The following OPCML variants were observed in gnomAD, a reference collection of about 807,000 sequenced individuals.
OPCML encodes opioid-binding protein/cell adhesion molecule.
In OPCML, 13 loss-of-function variants were observed where a neutral mutation model predicts 37.8. The ratio of observed to expected loss-of-function variants is 0.34; its 90% CI spans 0.22 to 0.55. The LOEUF (loss-of-function observed/expected upper bound fraction) is 0.55, where lower values mean the gene tolerates loss of function less well. Ranked by LOEUF, OPCML falls within the 20% of genes least tolerant of loss-of-function variation. OPCML has a pLI of 0.91. For missense variants in OPCML, 341 were observed against 435.6 expected (o/e 0.78, Z 1.93); for synonymous variants, 176 against 168.8 (o/e 1.04, Z -0.33).
chr11:133,339,136 T>G (rs1361750626), intron 1 of OPCML, among the ~76,000 whole-genome samples: 1 of 152,236 alleles, frequency 6.6e-6, no homozygotes, highest in Admixed American at 6.5e-5. Flanking sequence ...TCTGTTTATC[T>G]GTGATGTGCT....
At chr11:132,466,398 G>A (rs1413562487) in intron 4 of OPCML, among the ~76,000 whole-genome samples, 3 of 151,576 alleles carry the variant, frequency 2.0e-5, no homozygotes, top group African/African-American at 7.3e-5. Context: ...GCAGGAGAAT[G>A]GCGTGAACCC....
At chr11:133,193,913 A>G (rs1339250712) in intron 1 of OPCML, among the ~76,000 whole-genome samples, 1 of 152,226 alleles carries the variant, frequency 6.6e-6, no homozygotes, top group Non-Finnish European at 1.5e-5. Context: ...CATAATGAAA[A>G]CAGAAAGAAA....
intron 1 of OPCML, among the ~76,000 whole-genome samples, chr11:133,102,111 G>T (rs540349410): frequency 6.6e-6 from 1 of 152,252 alleles, no homozygotes; most frequent in Admixed American, 6.5e-5. Context: ...ATTCTGTATG[G>T]TATTATCATG....
intron 2 of OPCML, among the ~76,000 whole-genome samples, chr11:132,887,263 G>A (rs1943460401): frequency 6.6e-6 from 1 of 152,206 alleles, no homozygotes. Context: ...CTCCACCACG[G>A]AGCCTAGGTG....
intron 1 of OPCML, among the ~76,000 whole-genome samples, chr11:132,989,291 T>C (rs551330425): frequency 1.0e-3 from 157 of 152,198 alleles, no homozygotes; most frequent in African/African-American, 3.7e-3. Context: ...ATTAGAATAA[T>C]CTATTCCACC....
intron 2 of OPCML, among the ~76,000 whole-genome samples, chr11:132,689,163 C>T (rs533582750): frequency 6.6e-6 from 1 of 152,070 alleles, no homozygotes; most frequent in Non-Finnish European, 1.5e-5. Context: ...CATTTCTAGG[C>T]TTGTTTTCAG....
chr11:132,710,688 CAAAAA>C (rs11340177), intron 2 of OPCML, among the ~76,000 whole-genome samples: 2 of 135,300 alleles, frequency 1.5e-5, no homozygotes, highest in African/African-American at 5.3e-5. Context: ...CTAAAAAATA[CAAAAA>C]AAAAAAAAAA....
chr11:132,669,932 T>C (rs1272941940), intron 2 of OPCML, among the ~76,000 whole-genome samples: 1 of 152,152 alleles, frequency 6.6e-6, no homozygotes, highest in Non-Finnish European at 1.5e-5. Context: ...CACTGACTAG[T>C]CAGGGATGCC....
chr11:132,998,083 T>C (rs1946920114), intron 1 of OPCML, among the ~76,000 whole-genome samples: 2 of 152,212 alleles, frequency 1.3e-5, no homozygotes, highest in South Asian at 4.1e-4. Flanking sequence ...TGCGGCTGCC[T>C]GCCCATCCTT....
rs529070722 is a variant in OPCML, at chr11:132,627,804, C to A, written c.379+29283G>T. Among the ~76,000 whole-genome samples the A allele has an allele frequency of 2.0e-5, 3 of 152,286 alleles. No homozygotes were observed. The East Asian group carries it at 5.8e-4, about 29-fold the overall frequency. On this transcript the variant is annotated intron_variant, in intron 3 of 7. Transcript: ENST00000524381. ...ATCCAAGTTAAAGGGAAAGCTGATGCATTTACAATAGACAATAATAAAGCA... is the reference window on the plus strand; with the variant it reads ...ATCCAAGTTAAAGGGAAAGCTGATGAATTTACAATAGACAATAATAAAGCA...
At chr11:133,275,233 C>T (rs1172110145) in intron 1 of OPCML, among the ~76,000 whole-genome samples, 2 of 152,082 alleles carry the variant, frequency 1.3e-5, no homozygotes, top group African/African-American at 4.8e-5. Flanking sequence ...TCCTGCATAA[C>T]CTAGATATCT....
At chr11:132,739,814 C>T (rs372150544) in intron 2 of OPCML, among the ~76,000 whole-genome samples, 102 of 152,244 alleles carry the variant, frequency 6.7e-4, no homozygotes, top group African/African-American at 2.3e-3. Context: ...ATTAAATATG[C>T]ACTAAGTCTT....
chr11:132,426,211 A>G (rs1019067172), intron 7 of OPCML, among the ~76,000 whole-genome samples: 2 of 152,208 alleles, frequency 1.3e-5, no homozygotes, highest in African/African-American at 4.8e-5. Flanking sequence ...ATATAGAAAG[A>G]ATAGTTAGAG....
At chr11:132,550,481 A>G (rs931202048) in intron 3 of OPCML, among the ~76,000 whole-genome samples, 4 of 152,074 alleles carry the variant, frequency 2.6e-5, no homozygotes, top group African/African-American at 9.7e-5. Context: ...GCCTTCCCCC[A>G]TGAGTAAAAG....
intron 2 of OPCML, among the ~76,000 whole-genome samples, chr11:132,849,596 G>T (rs1028190377): frequency 6.6e-6 from 1 of 152,186 alleles, no homozygotes; most frequent in Non-Finnish European, 1.5e-5. Context: ...TTATACTGAG[G>T]ACACTCCCAT....
intron 2 of OPCML, among the ~76,000 whole-genome samples, chr11:132,767,184 A>G (rs1288466232): frequency 6.6e-6 from 1 of 152,226 alleles, no homozygotes; most frequent in Non-Finnish European, 1.5e-5. Flanking sequence ...TTTTAAGGTA[A>G]AAAGCTAAAA....
At chr11:133,416,277 G>T (rs529731040) in intron 1 of OPCML, among the ~76,000 whole-genome samples, 1 of 152,000 alleles carries the variant, frequency 6.6e-6, no homozygotes, top group Non-Finnish European at 1.5e-5. Flanking sequence ...CTAAAATTTT[G>T]TTCTGATCAT....
At chr11:132,606,022 T>C (rs73049180) in intron 3 of OPCML, among the ~76,000 whole-genome samples, 18,209 of 152,148 alleles carry the variant, frequency 0.12, 1,805 homozygotes, top group African/African-American at 0.25. Context: ...TGTAAGCAGA[T>C]ATTTTCTGGT....
At chr11:133,323,955 G>A (rs1943394332) in intron 1 of OPCML, among the ~76,000 whole-genome samples, 1 of 152,176 alleles carries the variant, frequency 6.6e-6, no homozygotes, top group South Asian at 2.1e-4. Context: ...CACTCAGAAG[G>A]GAGGTTATTT....
Sources: allele counts gnomAD v4.1 joint callset (sites outside exome capture counted in the v4.1 genomes callset), GRCh38; gene constraint gnomAD v4.1.1; transcripts MANE v1.5; gene names NCBI Gene and HGNC (gene_info 2026-07-23, HGNC 2026-07-21).